The following NAALADL2 variants were observed in gnomAD, a reference collection of about 807,000 sequenced individuals.
The protein encoded by NAALADL2 is N-acetylated alpha-linked acidic dipeptidase like 2.
NAALADL2 carries 76 observed loss-of-function variants against 87.2 expected under a neutral mutation model. The ratio of observed to expected loss-of-function variants is 0.87; its 90% CI spans 0.72 to 1.05. The LOEUF (loss-of-function observed/expected upper bound fraction) is 1.05, where lower values mean the gene tolerates loss of function less well. NAALADL2 is among the 50% of genes least tolerant of loss of function. NAALADL2 has a pLI of 0.00. For synonymous variants in NAALADL2, 354 were observed against 331.0 expected, an observed-to-expected ratio of 1.07 and a Z score of -0.75; for missense variants, 1,089 against 945.8, an observed-to-expected ratio of 1.15 and a Z score of -1.99.
chr3:174,502,874 T>A (rs1369339349), intron 1 of NAALADL2, among the ~76,000 whole-genome samples: 1 of 151,662 alleles, frequency 6.6e-6, no homozygotes, highest in South Asian at 2.1e-4. Flanking sequence ...ACTAAAAATA[T>A]AAAAATTATC....
intron 5 of NAALADL2, among the ~76,000 whole-genome samples, chr3:175,327,148 C>CTTTTTTTTTTT (rs35198621): frequency 1.9e-4 from 19 of 99,502 alleles, no homozygotes; most frequent in African/African-American, 5.9e-4. Flanking sequence ...GTCTACATTT[C>CTTTTTTTTTTT]TTTTTTTTTT....
chr3:175,460,755 G>A (rs1196915300), intron 6 of NAALADL2, among the ~76,000 whole-genome samples: 1 of 152,144 alleles, frequency 6.6e-6, no homozygotes, highest in African/African-American at 2.4e-5. Context: ...TATGGGTCTT[G>A]GTAAAATTAG....
intron 1 of NAALADL2, among the ~76,000 whole-genome samples, chr3:175,085,178 G>C (rs1580359513): frequency 6.6e-6 from 1 of 152,134 alleles, no homozygotes; most frequent in South Asian, 2.1e-4. Context: ...TAACCACACG[G>C]CCTTGGGTTC....
intron 1 of NAALADL2, among the ~76,000 whole-genome samples, chr3:174,521,252 C>T (rs906630063): frequency 1.3e-5 from 2 of 152,104 alleles, no homozygotes; most frequent in African/African-American, 4.8e-5. Context: ...TGGAATCAAC[C>T]TAAGTGTCCA....
chr3:174,866,418 T>C (rs1560300930), intron 1 of NAALADL2, among the ~76,000 whole-genome samples: 1 of 151,616 alleles, frequency 6.6e-6, no homozygotes, highest in African/African-American at 2.4e-5. Context: ...AATCTGAAAA[T>C]AGAAAGGAAA....
intron 3 of NAALADL2, among the ~76,000 whole-genome samples, chr3:175,244,236 G>T (rs1161687416): frequency 6.6e-6 from 1 of 152,178 alleles, no homozygotes; most frequent in African/African-American, 2.4e-5. Flanking sequence ...TGGGAAAACT[G>T]ATAAAGTTGC....
At chr3:174,606,336 T>C (rs1375208392) in intron 2 of NAALADL2, among the ~76,000 whole-genome samples, 1 of 152,024 alleles carries the variant, frequency 6.6e-6, no homozygotes. Flanking sequence ...CTTTGACGAG[T>C]TGAGAGAAGA....
At chr3:175,575,913 T>A in intron 9 of NAALADL2, 128 bp from the exon 10 acceptor site, 1 of 718,918 alleles carries the variant, frequency 1.4e-6, no homozygotes, top group Non-Finnish European at 2.2e-6. Flanking sequence ...GCCTAAGCAT[T>A]TGCATTTTTA....
chr3:175,704,257 C>T (rs1171339254), intron 11 of NAALADL2, among the ~76,000 whole-genome samples: 4 of 152,088 alleles, frequency 2.6e-5, no homozygotes, highest in African/African-American at 7.2e-5. Flanking sequence ...TGGGGCTGTT[C>T]GCTGTGGAAA....
At chr3:175,048,264 A>G (rs1416036796) in intron 1 of NAALADL2, among the ~76,000 whole-genome samples, 2 of 152,210 alleles carry the variant, frequency 1.3e-5, no homozygotes, top group Admixed American at 6.6e-5. Flanking sequence ...AGTTAAAATC[A>G]AATTGGCAAG....
intron 5 of NAALADL2, among the ~76,000 whole-genome samples, chr3:175,337,886 C>T (rs979686280): frequency 2.0e-5 from 3 of 152,094 alleles, no homozygotes; most frequent in Non-Finnish European, 4.4e-5. Context: ...TGTAAGTAAC[C>T]TGTTTTGGTT....
intron 2 of NAALADL2, among the ~76,000 whole-genome samples, chr3:175,154,158 A>T (rs1368347852): frequency 6.6e-6 from 1 of 152,096 alleles, no homozygotes; most frequent in Non-Finnish European, 1.5e-5. Flanking sequence ...CAACATGCAT[A>T]TACCTATTTT....
rs1267653252 is a variant in NAALADL2, at chr3:175,448,161, A to C, written c.1234+789A>C. On this transcript the variant is annotated intron_variant, in intron 6 of 13. Coordinates refer to ENST00000454872, the MANE Select transcript of NAALADL2 (RefSeq NM_207015.3). ...AATATGTACAAAAAAATCTGAATAC[A>C]TTAAGGATTTCTCTGTTAGGGACAT... 2.0e-5 allele frequency among the ~76,000 whole-genome samples: 3 copies of C among 152,266 alleles called. No individual in the cohort carries two copies. The East Asian group carries it at 5.8e-4, about 29-fold the overall frequency.
chr3:175,143,293 A>C (rs1730278220), intron 2 of NAALADL2, among the ~76,000 whole-genome samples: 1 of 152,086 alleles, frequency 6.6e-6, no homozygotes, highest in East Asian at 1.9e-4. Context: ...CAGCTTTGTT[A>C]ATTCATGCAA....
Position 175,626,675 on chromosome 3 carries a change from C to T in NAALADL2, c.1801-616C>T, listed in dbSNP as rs116221756. Among the ~76,000 whole-genome samples the T allele has an allele frequency of 6.8e-3, 1,032 of 151,844 alleles. 9 individuals carry two copies. The highest frequency in any genetic ancestry group is 0.024 in the African/African-American group (990 of 41,500). ...TTCCCAGTCTCTACTTTTTGACTCC[C>T]ATGGAATAACAGTTACATGCTTCTC... On this transcript the variant is annotated intron_variant, in intron 10 of 13. Coordinates refer to ENST00000454872, the MANE Select transcript of NAALADL2 (RefSeq NM_207015.3).
chr3:174,773,460 C>T (rs539162565), intron 3 of NAALADL2, among the ~76,000 whole-genome samples: 11 of 152,254 alleles, frequency 7.2e-5, no homozygotes, highest in African/African-American at 2.6e-4. Flanking sequence ...AGATGATAGA[C>T]TCTCCATCCC....
At chr3:175,113,831 C>T (rs1025774052) in intron 2 of NAALADL2, among the ~76,000 whole-genome samples, 5 of 151,454 alleles carry the variant, frequency 3.3e-5, no homozygotes, top group Non-Finnish European at 7.4e-5. Flanking sequence ...TTTTCAAAAT[C>T]GTAAACAAAC....
At chr3:175,693,210 T>C (rs1737273090) in intron 11 of NAALADL2, among the ~76,000 whole-genome samples, 1 of 152,104 alleles carries the variant, frequency 6.6e-6, no homozygotes, top group South Asian at 2.1e-4. Context: ...TGTCCAGAGA[T>C]TTTATGGGGG....
chr3:174,679,148 G>C (rs1727300331), intron 2 of NAALADL2, among the ~76,000 whole-genome samples: 1 of 151,974 alleles, frequency 6.6e-6, no homozygotes, highest in African/African-American at 2.4e-5. Context: ...TCTCTCACTT[G>C]TCTGTCATTC....
Sources: allele counts gnomAD v4.1 joint callset (sites outside exome capture counted in the v4.1 genomes callset), GRCh38; gene constraint gnomAD v4.1.1; transcripts MANE v1.5; gene names NCBI Gene and HGNC (gene_info 2026-07-23, HGNC 2026-07-21).